The following CSNK2A2IP variants were observed in gnomAD, a reference collection of about 807,000 sequenced individuals.
CSNK2A2IP encodes casein kinase 2 subunit alpha' interacting protein, also known as casein kinase II subunit alpha'-interacting protein.
the CSNK2A2IP span, among the ~76,000 whole-genome samples, chr3:88,340,406 A>T: frequency 6.6e-6 from 1 of 152,024 alleles, no homozygotes; most frequent in Non-Finnish European, 1.5e-5. Flanking sequence ...GTTAGAGATG[A>T]ACTGAATTAT....
chr3:88,365,228 C>A, the CSNK2A2IP span, among the ~76,000 whole-genome samples: 3 of 151,998 alleles, frequency 2.0e-5, no homozygotes, highest in African/African-American at 4.8e-5. Context: ...GTTAACAATA[C>A]CAGGGAAAGA....
the CSNK2A2IP span, among the ~76,000 whole-genome samples, chr3:88,406,613 AT>A: frequency 6.6e-6 from 1 of 152,154 alleles, no homozygotes; most frequent in Non-Finnish European, 1.5e-5. Flanking sequence ...TTAAGTTGGG[AT>A]TTTTGGCGAC....
the CSNK2A2IP span, among the ~76,000 whole-genome samples, chr3:88,380,932 G>A: frequency 6.6e-6 from 1 of 152,084 alleles, no homozygotes; most frequent in Non-Finnish European, 1.5e-5. Flanking sequence ...TCCTGCCAAG[G>A]AGCCTAGATA....
the CSNK2A2IP span, chr3:88,466,222 A>G: frequency 8.1e-7 from 1 of 1,231,634 alleles, no homozygotes. Context: ...CTCTAACCCC[A>G]CTATTGGAGG....
At chr3:88,385,304 AG>A in the CSNK2A2IP span, among the ~76,000 whole-genome samples, 5,713 of 152,126 alleles carry the variant, frequency 0.038, 264 homozygotes, top group African/African-American at 0.11. Flanking sequence ...TTCAGGAAGG[AG>A]GTGTGGTGAG....
the CSNK2A2IP span, among the ~76,000 whole-genome samples, chr3:88,344,377 T>C: frequency 1.3e-5 from 2 of 151,976 alleles, no homozygotes; most frequent in African/African-American, 4.8e-5. Flanking sequence ...TTTCCATTTA[T>C]ATTGTTATTC....
the CSNK2A2IP span, among the ~76,000 whole-genome samples, chr3:88,352,219 A>C: frequency 0.01 from 1,545 of 152,182 alleles, 17 homozygotes; most frequent in East Asian, 0.074. Flanking sequence ...TCTCTCATCT[A>C]TCTACCTATC....
At chr3:88,464,808 G>A in the CSNK2A2IP span, among the ~76,000 whole-genome samples, 1 of 152,214 alleles carries the variant, frequency 6.6e-6, no homozygotes, top group South Asian at 2.1e-4. Context: ...ATTTTATTGA[G>A]CATCTATAAT....
At chr3:88,365,749 G>A in the CSNK2A2IP span, among the ~76,000 whole-genome samples, 5 of 152,188 alleles carry the variant, frequency 3.3e-5, no homozygotes, top group Non-Finnish European at 7.4e-5. Context: ...GTCACCTGAA[G>A]CTTCTTCTTG....
chr3:88,340,614 A>G, the CSNK2A2IP span, among the ~76,000 whole-genome samples: 1,359 of 152,056 alleles, frequency 8.9e-3, 17 homozygotes, highest in African/African-American at 0.031. Context: ...TTAACCTCTT[A>G]TAAACTTAAG....
At chr3:88,342,663 CAT>C in the CSNK2A2IP span, among the ~76,000 whole-genome samples, 4 of 149,966 alleles carry the variant, frequency 2.7e-5, no homozygotes, top group South Asian at 2.1e-4. Context: ...GGGATTTGCA[CAT>C]GTCTATATTG....
At chr3:88,342,883 G>A in the CSNK2A2IP span, among the ~76,000 whole-genome samples, 2 of 151,794 alleles carry the variant, frequency 1.3e-5, no homozygotes, top group African/African-American at 4.8e-5. Context: ...TCTTTTCTTG[G>A]TAGCCAATAG....
chr3:88,465,385 C>A, the CSNK2A2IP span: 6 of 1,231,506 alleles, frequency 4.9e-6, no homozygotes, highest in Non-Finnish European at 5.1e-6. Flanking sequence ...TTATGGTCAA[C>A]ACTTTGTGCC....
the CSNK2A2IP span, among the ~76,000 whole-genome samples, chr3:88,356,811 A>G: frequency 6.6e-6 from 1 of 152,002 alleles, no homozygotes; most frequent in African/African-American, 2.4e-5. Context: ...CTGACATAAT[A>G]TTTCATTGTG....
At chr3:88,416,647 C>T in the CSNK2A2IP span, among the ~76,000 whole-genome samples, 2 of 152,148 alleles carry the variant, frequency 1.3e-5, no homozygotes, top group African/African-American at 4.8e-5. Context: ...ATTTATCACC[C>T]TTAATACATC....
the CSNK2A2IP span, among the ~76,000 whole-genome samples, chr3:88,362,884 C>T: frequency 2.0e-5 from 3 of 152,208 alleles, no homozygotes; most frequent in Non-Finnish European, 2.9e-5. Flanking sequence ...TAAGACTCCT[C>T]TCTGCGCTGC....
At chr3:88,364,624 T>C in the CSNK2A2IP span, among the ~76,000 whole-genome samples, 2 of 152,076 alleles carry the variant, frequency 1.3e-5, no homozygotes, top group African/African-American at 4.8e-5. Context: ...GAGATATTGT[T>C]GATTGATGAC....
chr3:88,456,738 T>C, the CSNK2A2IP span, among the ~76,000 whole-genome samples: 1 of 151,936 alleles, frequency 6.6e-6, no homozygotes, highest in Non-Finnish European at 1.5e-5. Flanking sequence ...GAATTGCTTA[T>C]ACACTTTTGT....
the CSNK2A2IP span, among the ~76,000 whole-genome samples, chr3:88,400,198 A>G: frequency 2.6e-5 from 4 of 152,178 alleles, no homozygotes; most frequent in African/African-American, 7.2e-5. Flanking sequence ...TGAGCCAGGC[A>G]GAGAAGGGCA....
Sources: allele counts gnomAD v4.1 joint callset (sites outside exome capture counted in the v4.1 genomes callset), GRCh38; gene constraint gnomAD v4.1.1; transcripts MANE v1.5; gene names NCBI Gene and HGNC (gene_info 2026-07-23, HGNC 2026-07-21).